Variants in CNTNAP2 observed in about 807,000 individuals in gnomAD.
CNTNAP2 encodes the protein contactin-associated protein-like 2.
Under a neutral mutation model 155.2 loss-of-function variants are expected in CNTNAP2, and 98 were observed. The observed-to-expected ratio is 0.63, with a 90% CI of 0.54 to 0.75. The LOEUF is 0.75. CNTNAP2 is among the 30% of genes least tolerant of loss of function. CNTNAP2 has a pLI of 0.00. For synonymous variants in CNTNAP2, 651 were observed against 631.2 expected, an observed-to-expected ratio of 1.03 and a Z score of -0.47; for missense variants, 1,727 against 1,688.1, an observed-to-expected ratio of 1.02 and a Z score of -0.40.
intron 11 of CNTNAP2, among the ~76,000 whole-genome samples, chr7:147,527,211 G>A (rs1799341296): frequency 6.6e-6 from 1 of 151,732 alleles, no homozygotes; most frequent in Admixed American, 6.6e-5. Flanking sequence ...TTTTAGTAGA[G>A]ACAGGGTTTC....
intron 9 of CNTNAP2, among the ~76,000 whole-genome samples, chr7:147,312,661 T>A (rs34392561): frequency 0.058 from 4,147 of 71,792 alleles, 188 homozygotes; most frequent in Middle Eastern, 0.18. Flanking sequence ...CAGTCTATCA[T>A]TGTTGGACAT....
chr7:146,314,907 C>G (rs1414615550), intron 1 of CNTNAP2, among the ~76,000 whole-genome samples: 3 of 152,128 alleles, frequency 2.0e-5, no homozygotes, highest in Non-Finnish European at 4.4e-5. Context: ...TAAGAGATTG[C>G]GGAGTTTATC....
At chr7:146,373,088 C>T (rs781292944) in intron 1 of CNTNAP2, among the ~76,000 whole-genome samples, 1 of 152,136 alleles carries the variant, frequency 6.6e-6, no homozygotes, top group Non-Finnish European at 1.5e-5. Context: ...TTATCCACTT[C>T]GCTGTACTTC....
In CNTNAP2 at chr7:147,584,828, C is replaced by G. The variant is rs897325695; in HGVS notation, c.1897+22571C>G. 5.9e-5 allele frequency among the ~76,000 whole-genome samples: 9 copies of G among 152,152 alleles called. No individual in the cohort carries two copies. In the East Asian group the frequency reaches 1.5e-3, roughly 26 times the overall value. On this transcript the variant is annotated intron_variant, in intron 12 of 23. Coordinates refer to ENST00000361727, the MANE Select transcript of CNTNAP2 (RefSeq NM_014141.6). ...CATCTTCATGCTTACACAGGCCTCT[C>G]TCTGCTGAGGTGGCCTCTTGGGGAA...
intron 1 of CNTNAP2, among the ~76,000 whole-genome samples, chr7:146,532,013 T>TA (rs571508889): frequency 2.6e-5 from 4 of 151,768 alleles, no homozygotes; most frequent in Non-Finnish European, 5.9e-5. Flanking sequence ...CAGTTTCCAT[T>TA]AAAAAAAGAA....
At chr7:146,388,121 T>C (rs1452493686) in intron 1 of CNTNAP2, among the ~76,000 whole-genome samples, 1 of 151,630 alleles carries the variant, frequency 6.6e-6, no homozygotes, top group South Asian at 2.1e-4. Flanking sequence ...ACATTTATTT[T>C]ATATTTTTTC....
intron 1 of CNTNAP2, among the ~76,000 whole-genome samples, chr7:146,670,481 G>C (rs368104793): frequency 6.6e-6 from 1 of 151,026 alleles, no homozygotes; most frequent in South Asian, 2.1e-4. Flanking sequence ...CAAAAAAAAA[G>C]TTTTAAAATT....
In CNTNAP2 at chr7:147,314,348, C is replaced by G. The variant is rs955937616; in HGVS notation, c.1498+14058C>G. On this transcript the variant is annotated intron_variant, in intron 9 of 23. Transcript: ENST00000361727. ...CCTTAAACTTACATTGTCTTTAATACTTTTCCAATCAAAAAAATCCCCAAG... is the reference window on the plus strand; with the variant it reads ...CCTTAAACTTACATTGTCTTTAATAGTTTTCCAATCAAAAAAATCCCCAAG... Among the ~76,000 whole-genome samples, 3 of 152,232 alleles carry G rather than the reference C, an allele frequency of 2.0e-5. No homozygotes were observed. In the East Asian group the frequency reaches 5.8e-4, roughly 29 times the overall value.
At position 146,339,928 on chromosome 7, in the gene CNTNAP2, TGGG is replaced by T. The variant is rs201499353; in HGVS notation, c.97+222956_97+222958del. Among the ~76,000 whole-genome samples, 7 of 152,122 alleles carry T rather than the reference TGGG, an allele frequency of 4.6e-5. No individual in the cohort carries two copies. In the East Asian group the frequency reaches 1.4e-3, roughly 29 times the overall value. ...GCTCACGCCTCTAATGCCAGCACTTTGGGAGGCCGAGGCGGGCGGATCACGAGG... is the reference window on the plus strand; with the variant it reads ...GCTCACGCCTCTAATGCCAGCACTTTAGGCCGAGGCGGGCGGATCACGAGG... On this transcript the variant is annotated intron_variant, in intron 1 of 23. Transcript: ENST00000361727.
At chr7:147,885,824 T>C (rs367798960) in intron 13 of CNTNAP2, among the ~76,000 whole-genome samples, 68 of 152,230 alleles carry the variant, frequency 4.5e-4, no homozygotes, top group Middle Eastern at 3.4e-3. Context: ...AGTGTCCAGG[T>C]GGAACTCCCA....
chr7:147,587,962 G>A (rs536515633), intron 12 of CNTNAP2, among the ~76,000 whole-genome samples: 1 of 152,062 alleles, frequency 6.6e-6, no homozygotes, highest in Non-Finnish European at 1.5e-5. Flanking sequence ...AAATAAATTT[G>A]CTTTCCTGAG....
intron 21 of CNTNAP2, among the ~76,000 whole-genome samples, chr7:148,360,844 T>C (rs7797927): frequency 0.024 from 3,568 of 149,032 alleles, 138 homozygotes; most frequent in African/African-American, 0.083. Context: ...AGTTTCTCTC[T>C]TGTTGCCCAG....
intron 1 of CNTNAP2, among the ~76,000 whole-genome samples, chr7:146,450,868 C>T (rs1319068465): frequency 1.3e-5 from 2 of 151,938 alleles, no homozygotes; most frequent in Non-Finnish European, 2.9e-5. Flanking sequence ...TAACACATCA[C>T]GTAGATTGAA....
At chr7:146,512,622 A>T (rs1797483918) in intron 1 of CNTNAP2, among the ~76,000 whole-genome samples, 1 of 150,162 alleles carries the variant, frequency 6.7e-6, no homozygotes. Flanking sequence ...TTGATTTATG[A>T]TTTTTTCCAT....
intron 4 of CNTNAP2, among the ~76,000 whole-genome samples, chr7:147,056,634 A>C (rs1799566499): frequency 6.6e-6 from 1 of 152,232 alleles, no homozygotes; most frequent in African/African-American, 2.4e-5. Context: ...CTAATGCTAA[A>C]GTTAACGAAC....
chr7:147,368,013 TCCCCC>T (rs139772323), intron 9 of CNTNAP2, among the ~76,000 whole-genome samples: 2 of 79,440 alleles, frequency 2.5e-5, no homozygotes, highest in African/African-American at 1.2e-4. Flanking sequence ...TCTCTCTCTC[TCCCCC>T]CCCTCCCCCT....
rs1199411040 is a variant in CNTNAP2 at position 148,283,239 on chromosome 7, CAAAAAA to C, written c.3475+16127_3475+16132del. On this transcript the variant is annotated intron_variant, in intron 21 of 23. Transcript: ENST00000361727. ...CTGGGCAACAAAAGCAACTCTGTCT[CAAAAAA>C]AAAAAAAAAAAAAGAAAGAAAGAAA... Among the ~76,000 whole-genome samples the C allele has an allele frequency of 7.2e-5, 2 of 27,962 alleles. 1 individual carries two copies. The allele number at this position is 27,962 out of a possible 152,430, so 18.3% of individuals were successfully genotyped here.
chr7:148,409,609 A>T, intron 23 of CNTNAP2, 138 bp downstream of exon 23: 1 of 769,886 alleles, frequency 1.3e-6, no homozygotes, highest in East Asian at 2.7e-5. Flanking sequence ...ATTATGACAT[A>T]TGATGTGAAG....
chr7:147,629,431 A>C (rs1462980508), intron 12 of CNTNAP2, among the ~76,000 whole-genome samples: 1 of 147,208 alleles, frequency 6.8e-6, no homozygotes, highest in African/African-American at 2.5e-5. Flanking sequence ...TAATAATAAT[A>C]ATAATAATAA....
Sources: allele counts gnomAD v4.1 joint callset (sites outside exome capture counted in the v4.1 genomes callset), GRCh38; gene constraint gnomAD v4.1.1; transcripts MANE v1.5; gene names NCBI Gene and HGNC (gene_info 2026-07-23, HGNC 2026-07-21).